The following GALNT12 variants were observed in gnomAD, a reference collection of about 807,000 sequenced individuals.
The protein encoded by GALNT12 is UDP-GalNAc:polypeptide N-acetylgalactosaminyltransferase 12.
Under a neutral mutation model 55.5 loss-of-function variants are expected in GALNT12, and 45 were observed. The ratio of observed to expected loss-of-function variants is 0.81; its 90% CI spans 0.64 to 1.04. GALNT12 has a LOEUF of 1.04. Ranked by LOEUF, GALNT12 falls within the 50% of genes least tolerant of loss-of-function variation. The probability of loss-of-function intolerance (pLI) is 0.00; values close to 1 mark genes in which losing one functional copy is unlikely to be tolerated. For synonymous variants in GALNT12, 304 were observed against 312.2 expected (o/e 0.97, Z 0.28); for missense variants, 709 against 754.8 (o/e 0.94, Z 0.71).
rs200145205 is a variant in GALNT12, at chr9:98,849,036, C to A, written c.1690C>A (p.Arg564=). 1.1e-5 allele frequency: 17 copies of A among 1,614,040 alleles called. No individual in the cohort carries two copies. Among genetic ancestry groups the A allele is most frequent in the Admixed American group, 1.7e-5 (1 of 60,010 alleles). The change falls in exon 10 of 10, where the codon CGA becomes AGA. Residue 564 remains arginine (R), a synonymous_variant. Coordinates refer to ENST00000375011, the MANE Select transcript of GALNT12 (RefSeq NM_024642.5). ...GAGTGACAGTTTCGTTCCACTCTTA[C>A]GAGACTGCACCAACTCGGATCATCA... ...ESSDSFVPLL[R]DCTNSDHQKW... is the part of the protein sequence containing the mutation.
rs536337559 is a variant in GALNT12 at position 98,838,932 on chromosome 9, G to C, written c.1213-1070G>C. ...GGAGGTAGAACTGGGCTTGGGGCCTGTACTCTGCAGCGCACCTCTTGCTCT... is the reference window on the plus strand; with the variant it reads ...GGAGGTAGAACTGGGCTTGGGGCCTCTACTCTGCAGCGCACCTCTTGCTCT... On this transcript the variant is annotated intron_variant, in intron 6 of 9. Coordinates refer to ENST00000375011, the MANE Select transcript of GALNT12 (RefSeq NM_024642.5). Among the ~76,000 whole-genome samples, 30 of 152,300 alleles carry C rather than the reference G, an allele frequency of 2.0e-4. No homozygotes were observed. In the South Asian group the frequency reaches 6.2e-3, roughly 32 times the overall value.
intron 2 of GALNT12, among the ~76,000 whole-genome samples, chr9:98,824,300 T>TTCCC (rs1588445221): frequency 1.3e-5 from 2 of 152,246 alleles, no homozygotes; most frequent in East Asian, 3.9e-4. Context: ...TCTGCACCTG[T>TTCCC]TCCCACCTTC....
chr9:98,837,012 C>T lies in GALNT12; in HGVS notation c.1076C>T (p.Ser359Phe). ...CGGVLETHPC[S>F]HVGHVFPKQA... ...GGGGTTCTGGAAACACACCCATGTTCCCATGTTGGCCATGTTTTCCCCAAG... is the reference window on the plus strand; with the variant it reads ...GGGGTTCTGGAAACACACCCATGTTTCCATGTTGGCCATGTTTTCCCCAAG... Residue 359 changes from serine to phenylalanine, a missense_variant, in exon 6 of 10, where the codon TCC becomes TTC. By Grantham distance (155) the Ser-to-Phe change is radical. Coordinates refer to ENST00000375011, the MANE Select transcript of GALNT12 (RefSeq NM_024642.5). The T allele has an allele frequency of 6.2e-7, 1 of 1,614,184 alleles. No individual in the cohort carries two copies. The highest frequency in any genetic ancestry group is 8.5e-7 in the Non-Finnish European group (1 of 1,180,032).
intron 1 of GALNT12, among the ~76,000 whole-genome samples, chr9:98,821,350 G>A (rs981386541): frequency 2.6e-5 from 4 of 151,980 alleles, no homozygotes; most frequent in East Asian, 2.0e-4. Flanking sequence ...GGCCAGGCGC[G>A]GTGGCTCACA....
intron 7 of GALNT12, among the ~76,000 whole-genome samples, chr9:98,843,673 C>T (rs996811013): frequency 5.9e-5 from 9 of 152,198 alleles, no homozygotes; most frequent in Non-Finnish European, 1.2e-4. Flanking sequence ...TCCCAAAGTG[C>T]TGGGATCACA....
intron 6 of GALNT12, among the ~76,000 whole-genome samples, chr9:98,837,587 G>A (rs1311522641): frequency 6.6e-6 from 1 of 152,178 alleles, no homozygotes; most frequent in Non-Finnish European, 1.5e-5. Flanking sequence ...CCTAGCACGT[G>A]TTATTTTCTC....
At chr9:98,817,573 C>T (rs1835641750) in intron 1 of GALNT12, among the ~76,000 whole-genome samples, 1 of 152,052 alleles carries the variant, frequency 6.6e-6, no homozygotes, top group Admixed American at 6.6e-5. Flanking sequence ...AAGTGATTCT[C>T]CTGCCTCAGC....
chr9:98,840,191 T>A, intron 7 of GALNT12, 58 bp downstream of exon 7: 1 of 1,607,574 alleles, frequency 6.2e-7, no homozygotes, highest in Non-Finnish European at 8.5e-7. Context: ...CTGGGTCTGC[T>A]CTGCAAATCC....
At position 98,831,863 on chromosome 9, in the gene GALNT12, C is replaced by T; in HGVS notation, c.823C>T (p.Gln275Ter). Residue 275 changes from glutamine to a stop codon, truncating the protein, a stop_gained, in exon 4 of 10, where the codon CAG (glutamine) becomes TAG (stop). Coordinates refer to ENST00000375011, the MANE Select transcript of GALNT12 (RefSeq NM_024642.5). LOFTEE classifies it high-confidence loss of function. ...FEYLGNSGEPQIGGFDWRLVF... is the reference protein window; with the variant it reads ...FEYLGNSGEP The stretch of plus-strand genomic sequence containing the variant: ...ATACCTGGGGAACTCCGGGGAGCCC[C>T]AGATCGGCGGTTTCGACTGGAGGCT... 1 of 1,614,210 alleles carries T rather than the reference C, an allele frequency of 6.2e-7. No individual in the cohort carries two copies. The highest frequency in any genetic ancestry group is 8.5e-7 in the Non-Finnish European group (1 of 1,180,044).
Position 98,807,843 on chromosome 9 carries a change from G to A in GALNT12, c.145G>A (p.Glu49Lys), listed in dbSNP as rs1484373258. ...AQRGAGAGAAEPGPPRTPRPG... is the reference protein window; with the variant it reads ...AQRGAGAGAAKPGPPRTPRPG... ...GCGTGGGGCCGGGGCCGGGGCTGCC[G>A]AGCCGGGACCCCCGCGCACCCCGCG... is the stretch of plus-strand genomic sequence containing the variant. The change falls in exon 1 of 10, where the codon GAG (glutamate) becomes AAG (lysine). Residue 49 changes from glutamate (E) to lysine (K), a missense_variant. This residue lies in a region of GALNT12 where 110 missense variants were observed against 102.2 expected (regional missense o/e 1.08). Coordinates refer to ENST00000375011, the MANE Select transcript of GALNT12 (RefSeq NM_024642.5). 6 of 1,009,968 alleles carry A rather than the reference G, an allele frequency of 5.9e-6. No individual in the cohort carries two copies. The highest frequency in any genetic ancestry group is 5.2e-5 in the African/African-American group (3 of 57,220). The allele number at this position is 1,009,968 out of a possible 1,614,324, so 62.6% of individuals were successfully genotyped here.
intron 6 of GALNT12, among the ~76,000 whole-genome samples, chr9:98,839,676 G>A (rs1836239827): frequency 6.6e-6 from 1 of 152,032 alleles, no homozygotes; most frequent in East Asian, 1.9e-4. Context: ...ACAGGTCCGG[G>A]ATCCATAGAT....
intron 4 of GALNT12, among the ~76,000 whole-genome samples, chr9:98,832,232 A>G (rs75470542): frequency 0.026 from 4,008 of 152,316 alleles, 96 homozygotes; most frequent in East Asian, 0.12. Context: ...GAAGTATGCA[A>G]TTTTAGGCTG....
intron 6 of GALNT12, 126 bp downstream of exon 6, chr9:98,837,274 T>A: frequency 1.1e-6 from 1 of 899,260 alleles, no homozygotes; most frequent in Non-Finnish European, 1.9e-6. Flanking sequence ...CAGATACGAG[T>A]AAGGGGAGAA....
intron 4 of GALNT12, among the ~76,000 whole-genome samples, chr9:98,835,041 T>G (rs762836739): frequency 7.9e-5 from 12 of 152,154 alleles, no homozygotes; most frequent in African/African-American, 1.2e-4. Flanking sequence ...ACTTACCTGC[T>G]GAGAAGCCTG....
chr9:98,813,081 T>A (rs1455683468), intron 1 of GALNT12, among the ~76,000 whole-genome samples: 2 of 152,246 alleles, frequency 1.3e-5, no homozygotes, highest in African/African-American at 4.8e-5. Flanking sequence ...CTTTCCTGAG[T>A]CAGAGACCTT....
At chr9:98,822,634 C>CA (rs1313949810) in intron 1 of GALNT12, among the ~76,000 whole-genome samples, 1 of 152,146 alleles carries the variant, frequency 6.6e-6, no homozygotes, top group Non-Finnish European at 1.5e-5. Context: ...CTAGTTTATG[C>CA]ATTTGGGACA....
At chr9:98,827,010 A>T (rs1835873685) in intron 3 of GALNT12, 69 bp downstream of exon 3, 1 of 1,493,674 alleles carries the variant, frequency 6.7e-7, no homozygotes, top group East Asian at 2.5e-5. Flanking sequence ...GAACAGACTC[A>T]TCACGTCACT....
At position 98,829,815 on chromosome 9, in the gene GALNT12, C is replaced by T. The variant is rs563433183; in HGVS notation, c.732-1957C>T. ...AATGACAGCATCTCATTCTTTTTTACGGATGAATAGTACTCTATTGTGAGT... is the reference window on the plus strand; with the variant it reads ...AATGACAGCATCTCATTCTTTTTTATGGATGAATAGTACTCTATTGTGAGT... On this transcript the variant is annotated intron_variant, in intron 3 of 9. Transcript: ENST00000375011. Among the ~76,000 whole-genome samples, 6 of 152,310 alleles carry T rather than the reference C, an allele frequency of 3.9e-5. No homozygotes were observed. The South Asian group carries it at 6.2e-4, about 16-fold the overall frequency.
At chr9:98,840,772 T>C (rs1836269734) in intron 7 of GALNT12, among the ~76,000 whole-genome samples, 1 of 152,202 alleles carries the variant, frequency 6.6e-6, no homozygotes, top group Non-Finnish European at 1.5e-5. Flanking sequence ...ATGAGAATGG[T>C]ATAATGAATA....
Sources: gnomAD v4.1 joint callset for allele counts (sites outside exome capture counted in the v4.1 genomes callset) on GRCh38, gnomAD v4.1.1 for gene constraint, gnomAD v4.1.1 regional missense constraint, MANE v1.5 for transcripts, NCBI Gene and HGNC (gene_info 2026-07-23, HGNC 2026-07-21) for gene names.